Variants in ASXL2 observed in about 807,000 individuals in gnomAD.
The protein encoded by ASXL2 is putative Polycomb group protein ASXL2.
In ASXL2, 23 loss-of-function variants were observed where a neutral mutation model predicts 122.0. The ratio of observed to expected loss-of-function variants is 0.19; its 90% confidence interval spans 0.14 to 0.27. ASXL2 has a LOEUF of 0.27. Among genes scored for constraint, ASXL2 ranks in the 10% least tolerant of loss-of-function variants. ASXL2 has a pLI of 1.00. For synonymous variants in ASXL2, 650 were observed against 637.0 expected, an observed-to-expected ratio of 1.02 and a Z score of -0.31; for missense variants, 1,518 against 1,713.8, an observed-to-expected ratio of 0.89 and a Z score of 2.02.
At chr2:25,864,833 A>T (rs1050148354) in intron 1 of ASXL2, among the ~76,000 whole-genome samples, 1 of 144,144 alleles carries the variant, frequency 6.9e-6, no homozygotes, top group African/African-American at 2.5e-5. Context: ...ACAATTTACA[A>T]TTTTTTTTTT....
chr2:25,817,234 G>C (rs947930891), intron 3 of ASXL2, among the ~76,000 whole-genome samples: 1 of 152,134 alleles, frequency 6.6e-6, no homozygotes, highest in African/African-American at 2.4e-5. Flanking sequence ...AAGTAAACAA[G>C]GAATGGAGAA....
intron 5 of ASXL2, among the ~76,000 whole-genome samples, chr2:25,798,089 C>T (rs796331976): frequency 2.6e-5 from 4 of 152,310 alleles, no homozygotes; most frequent in African/African-American, 9.6e-5. Context: ...CCAAATACCG[C>T]ATGTTCTCAC....
intron 5 of ASXL2, among the ~76,000 whole-genome samples, chr2:25,775,269 AG>A (rs902026821): frequency 7.2e-5 from 11 of 152,128 alleles, no homozygotes; most frequent in African/African-American, 2.7e-4. Flanking sequence ...CTAGGATTAC[AG>A]GTGCCCACCA....
chr2:25,789,078 T>C (rs2088791451), intron 5 of ASXL2, among the ~76,000 whole-genome samples: 1 of 152,178 alleles, frequency 6.6e-6, no homozygotes, highest in South Asian at 2.1e-4. Flanking sequence ...ACATGTCCCC[T>C]CTCCCATCAA....
In ASXL2 at chr2:25,864,309, C is replaced by T. The variant is rs573389062; in HGVS notation, c.57+13857G>A. ...AAAAACTAAGAAAGAAACATTACAA[C>T]GAGACTCACATTTTAAGATTATTCT... On this transcript the variant is annotated intron_variant, in intron 1 of 12. Transcript: ENST00000435504. Among the ~76,000 whole-genome samples, 148 of 152,160 alleles carry T rather than the reference C, an allele frequency of 9.7e-4. 1 individual carries two copies. The highest frequency in any genetic ancestry group is 6.0e-4 in the Non-Finnish European group (41 of 68,022).
chr2:25,802,521 C>T (rs1042534895), intron 4 of ASXL2, among the ~76,000 whole-genome samples: 9 of 152,192 alleles, frequency 5.9e-5, no homozygotes, highest in African/African-American at 2.2e-4. Flanking sequence ...GCTTCCAACA[C>T]AGAGCTCCTA....
At chr2:25,816,956 C>A (rs1168570083) in intron 3 of ASXL2, among the ~76,000 whole-genome samples, 2 of 152,154 alleles carry the variant, frequency 1.3e-5, no homozygotes, top group Non-Finnish European at 2.9e-5. Flanking sequence ...GAAACCCAGT[C>A]TCTACTAAAA....
chr2:25,836,840 T>C (rs1559524927), intron 2 of ASXL2, among the ~76,000 whole-genome samples: 1 of 152,216 alleles, frequency 6.6e-6, no homozygotes, highest in African/African-American at 2.4e-5. Flanking sequence ...GTCTAATTCA[T>C]AAAATGCCAA....
chr2:25,748,233 C>T (rs1306365267), intron 12 of ASXL2, among the ~76,000 whole-genome samples: 5 of 149,356 alleles, frequency 3.3e-5, no homozygotes, highest in Admixed American at 6.7e-5. Flanking sequence ...AGACGGTGGC[C>T]CACGCCTGTA....
intron 1 of ASXL2, among the ~76,000 whole-genome samples, chr2:25,853,279 A>C (rs2089739333): frequency 1.3e-5 from 2 of 152,206 alleles, no homozygotes; most frequent in Non-Finnish European, 1.5e-5. Flanking sequence ...ACATGAGAGT[A>C]ACAAGGAACA....
At chr2:25,871,881 T>G (rs561944046) in intron 1 of ASXL2, among the ~76,000 whole-genome samples, 8 of 152,248 alleles carry the variant, frequency 5.3e-5, no homozygotes, top group Non-Finnish European at 1.2e-4. Flanking sequence ...AGAAAGTAAT[T>G]TGACGAATGT....
intron 4 of ASXL2, among the ~76,000 whole-genome samples, chr2:25,800,056 G>A (rs2088971869): frequency 2.0e-5 from 3 of 151,706 alleles, no homozygotes; most frequent in African/African-American, 7.3e-5. Context: ...ACAGCTACTT[G>A]GGAGGCCAAG....
intron 1 of ASXL2, among the ~76,000 whole-genome samples, chr2:25,871,294 G>C (rs914680133): frequency 1.3e-5 from 2 of 152,100 alleles, no homozygotes; most frequent in African/African-American, 4.8e-5. Flanking sequence ...TTCGTAGAGG[G>C]GGGGAAAAAT....
intron 10 of ASXL2, among the ~76,000 whole-genome samples, chr2:25,754,912 C>T (rs1289946597): frequency 6.6e-6 from 1 of 151,846 alleles, no homozygotes; most frequent in African/African-American, 2.4e-5. Flanking sequence ...ATCCCTTCTA[C>T]ATAGAATTTC....
At chr2:25,748,373 G>A (rs1005429596) in intron 12 of ASXL2, among the ~76,000 whole-genome samples, 2 of 150,960 alleles carry the variant, frequency 1.3e-5, no homozygotes, top group African/African-American at 4.9e-5. Flanking sequence ...AGGTATGGTG[G>A]TGCATGCCTG....
At position 25,738,474 on chromosome 2, in the gene ASXL2, A is replaced by T. The variant is rs1295474074; in HGVS notation, c.*3555T>A. The T allele has an allele frequency of 6.6e-6, 1 of 152,220 alleles. No homozygotes were observed. Among genetic ancestry groups the T allele is most frequent in the African/African-American group, 2.4e-5 (1 of 41,446 alleles). The allele number at this position is 152,220 out of a possible 1,614,324, so 9.4% of individuals were successfully genotyped here. ...GTTACTTACTTAGCACACAGTTGTA[A>T]GGAGATGGGGAGACTTTTCCCTCCT... On this transcript the variant is annotated 3_prime_UTR_variant, in exon 13 of 13. Coordinates refer to ENST00000435504, the MANE Select transcript of ASXL2 (RefSeq NM_018263.6).
chr2:25,873,570 A>G (rs990409932), intron 1 of ASXL2, among the ~76,000 whole-genome samples: 1 of 152,080 alleles, frequency 6.6e-6, no homozygotes, highest in Non-Finnish European at 1.5e-5. Context: ...AAAGTGACAA[A>G]AGTTTTAAGT....
intron 8 of ASXL2, among the ~76,000 whole-genome samples, chr2:25,761,648 G>T (rs2088247443): frequency 6.7e-6 from 1 of 148,506 alleles, no homozygotes; most frequent in African/African-American, 2.5e-5. Flanking sequence ...ACTCCAGCCT[G>T]GGCAACAGAG....
rs899827672 is a variant in ASXL2, at chr2:25,739,247, A to G, written c.*2782T>C. 1 of 158,402 alleles carries G rather than the reference A, an allele frequency of 6.3e-6. No homozygotes were observed. Among genetic ancestry groups the G allele is most frequent in the Non-Finnish European group, 1.4e-5 (1 of 71,574 alleles). The allele number at this position is 158,402 out of a possible 1,614,324, so 9.8% of individuals were successfully genotyped here. A position where few individuals can be genotyped will look rare whatever the true frequency, so the allele number is the denominator to read the frequency against. ...ATTTATTAAAACTTTTCAGATTGGG[A>G]TGAAAGGTAAAACAACTCAAAAAAC... On this transcript the variant is annotated 3_prime_UTR_variant, in exon 13 of 13. Transcript: ENST00000435504.
Sources: allele counts gnomAD v4.1 joint callset (sites outside exome capture counted in the v4.1 genomes callset), GRCh38; gene constraint gnomAD v4.1.1; transcripts MANE v1.5; gene names NCBI Gene and HGNC (gene_info 2026-07-23, HGNC 2026-07-21).